MACF1: variants seen among roughly 807,000 people sequenced by gnomAD.
The protein encoded by MACF1 is microtubule actin crosslinking factor 1, also known as microtubule-actin cross-linking factor 1.
Under a neutral mutation model 854.8 loss-of-function variants are expected in MACF1, and 193 were observed. The observed-to-expected ratio is 0.23, with a 90% CI of 0.20 to 0.25. The LOEUF (loss-of-function observed/expected upper bound fraction) is 0.25, where lower values mean the gene tolerates loss of function less well. Among genes scored for constraint, MACF1 ranks in the 10% least tolerant of loss-of-function variants. MACF1 has a pLI of 1.00. For synonymous variants in MACF1, 3,185 were observed against 3,226.7 expected (o/e 0.99, Z 0.44); for missense variants, 7,722 against 8,929.1 (o/e 0.86, Z 5.45).
chr1:39,460,580 CT>C lies in MACF1; in HGVS notation c.21361-48del. The C allele has an allele frequency of 6.4e-7, 1 of 1,574,088 alleles. No individual in the cohort carries two copies. Among genetic ancestry groups the C allele is most frequent in the Middle Eastern group, 1.7e-4 (1 of 5,972 alleles). On this transcript the variant is annotated intron_variant, in intron 91 of 100. Coordinates refer to ENST00000564288, the MANE Select transcript of MACF1 (RefSeq NM_001394062.1). The surrounding 1 kb of genome is among the most constrained non-coding windows in gnomAD (Gnocchi z 4.1). ...GAAAGTTTGGGTATGCTCTGGGCAG[CT>C]TTTGAGGGCCCAAAAAATAAATCTT...
chr1:39,134,369 A>C (rs1195745149), intron 2 of MACF1, among the ~76,000 whole-genome samples: 1 of 152,136 alleles, frequency 6.6e-6, no homozygotes, highest in Middle Eastern at 3.2e-3. Context: ...TAACAAGAAT[A>C]AGTGGAATCA....
intron 49 of MACF1, among the ~76,000 whole-genome samples, chr1:39,365,626 A>G (rs1257015180): frequency 6.6e-6 from 1 of 152,158 alleles, no homozygotes; most frequent in Non-Finnish European, 1.5e-5. Context: ...AACCATCTTC[A>G]TCATATACAC....
Position 39,333,708 on chromosome 1 carries a change from T to G in MACF1, c.7120T>G (p.Leu2374Val). The change falls in exon 37 of 101, where the codon TTA becomes GTA. Residue 2374 changes from leucine to valine, a missense_variant. Leu to Val is a conservative substitution (Grantham distance 32). This residue lies in a region of MACF1 where 1,531 missense variants were observed against 1,601.6 expected (regional missense o/e 0.96). Coordinates refer to ENST00000564288, the MANE Select transcript of MACF1 (RefSeq NM_001394062.1). The part of the protein sequence containing the change: ...LMADKAISGV[L>V]DPRTQTLCSV... ...GGCAGACAAAGCTATAAGTGGTGTC[T>G]TAGACCCCCGTACCCAGACACTGTG... 6.2e-7 allele frequency: 1 copy of G among 1,614,186 alleles called. No individual in the cohort carries two copies. Among genetic ancestry groups the G allele is most frequent in the Non-Finnish European group, 8.5e-7 (1 of 1,180,028 alleles).
chr1:39,452,455 A>T, intron 86 of MACF1, 105 bp downstream of exon 86: 1 of 1,247,998 alleles, frequency 8.0e-7, no homozygotes, highest in Non-Finnish European at 1.1e-6. Context: ...TAAGTATAAC[A>T]GAGTTGAAAA....
chr1:39,357,900 G>A lies in MACF1; in HGVS notation c.11943+7G>A, dbSNP rs1220134786. The A allele has an allele frequency of 6.3e-7, 1 of 1,599,024 alleles. No homozygotes were observed. The highest frequency in any genetic ancestry group is 1.1e-5 in the South Asian group (1 of 88,446). On this transcript the variant is annotated splice_region_variant and intron_variant, in intron 45 of 100. Coordinates refer to ENST00000564288, the MANE Select transcript of MACF1 (RefSeq NM_001394062.1). ...CACTGCTCTCCACTCAAAGGTAAGG[G>A]GGCAGTTCCTGGCATCCTTGGTGAA...
rs982188460 is a variant in MACF1 at position 39,322,496 on chromosome 1, C to T, written c.4030-112C>T. 17 of 846,042 alleles carry T rather than the reference C, an allele frequency of 2.0e-5. No individual in the cohort carries two copies. In the South Asian group the frequency reaches 2.3e-4, roughly 12 times the overall value. 52.4% of individuals were successfully genotyped at this position (846,042 alleles called of 1,614,324 possible). On this transcript the variant is annotated intron_variant, in intron 31 of 100. Transcript: ENST00000564288. ...TTTACAGGAAAAGTTTGCTAACCTC[C>T]AGCATGAGTGGTCACCAAAACGCTT... is the stretch of plus-strand genomic sequence containing the variant.
rs1643865658 is a variant in MACF1, at chr1:39,430,819, T to C, written c.17248T>C (p.Ser5750Pro). The C allele has an allele frequency of 6.2e-7, 1 of 1,612,582 alleles. No homozygotes were observed. The highest frequency in any genetic ancestry group is 8.5e-7 in the Non-Finnish European group (1 of 1,180,002). The stretch of plus-strand genomic sequence containing the variant: ...CAGAGAAGGGCTGGATAAACTTGTG[T>C]CCGATGCTAACGAGCAGTACAAACT... ...RAREGLDKLVSDANEQYKLVS... is the reference protein window; with the variant it reads ...RAREGLDKLVPDANEQYKLVS... Residue 5750 changes from serine (S) to proline (P), a missense_variant, in exon 66 of 101, where the codon TCC becomes CCC. Ser to Pro is a moderately conservative substitution (Grantham distance 74). Coordinates refer to ENST00000564288, the MANE Select transcript of MACF1 (RefSeq NM_001394062.1).
intron 58 of MACF1, among the ~76,000 whole-genome samples, chr1:39,393,196 A>AAAAAAATAT (rs57576149): frequency 1.5e-5 from 1 of 66,574 alleles, no homozygotes; most frequent in African/African-American, 8.4e-5. Context: ...AAAAAAAAAA[A>AAAAAAATAT]ATATATATAT....
At chr1:39,126,945 C>G (rs1394615385) in intron 2 of MACF1, among the ~76,000 whole-genome samples, 1 of 151,926 alleles carries the variant, frequency 6.6e-6, no homozygotes, top group South Asian at 2.1e-4. Context: ...TTTCCTTGTC[C>G]TGTTGGCCGG....
At position 39,114,182 on chromosome 1, in the gene MACF1, G is replaced by GTT. The variant is rs10715454; in HGVS notation, c.220+29759_220+29760dup. Among the ~76,000 whole-genome samples the GTT allele has an allele frequency of 4.9e-3, 701 of 142,434 alleles. 3 individuals carry two copies. Among genetic ancestry groups the GTT allele is most frequent in the Non-Finnish European group, 6.0e-3 (394 of 65,752 alleles). 93.4% of individuals were successfully genotyped at this position (142,434 alleles called of 152,430 possible). A position where few individuals can be genotyped will look rare whatever the true frequency, so the allele number is the denominator to read the frequency against. On this transcript the variant is annotated intron_variant, in intron 2 of 93. Transcript: ENST00000361689. ...TGTCTAAAGCTCTGTATACTTTACT[G>GTT]TTTTTTTTTTTTTTTTACAATTTTC...
At chr1:39,214,536 TGA>T (rs946102869) in intron 1 of MACF1, among the ~76,000 whole-genome samples, 1 of 152,144 alleles carries the variant, frequency 6.6e-6, no homozygotes, top group African/African-American at 2.4e-5. Flanking sequence ...TTCCTGGCTG[TGA>T]GGGGAAAGAA....
chr1:39,454,572 C>T (rs927266303), intron 88 of MACF1, among the ~76,000 whole-genome samples: 6 of 152,026 alleles, frequency 3.9e-5, no homozygotes, highest in African/African-American at 9.7e-5. Context: ...AGGCTTGAGG[C>T]GGTCAGATTA....
chr1:39,372,519 A>T lies in MACF1; in HGVS notation c.13136A>T (p.Glu4379Val). The change falls in exon 52 of 101, where the codon GAA becomes GTA. Residue 4379 changes from glutamate to valine, a missense_variant. By Grantham distance (121) the Glu-to-Val change is moderately radical. Coordinates refer to ENST00000564288, the MANE Select transcript of MACF1 (RefSeq NM_001394062.1). ...DDWASKGTLV[E>V]EINCKGTSLE... ...TGGGCAAGTAAGGGAACTCTGGTGG[A>T]AGAAATCAATTGCAAAGGTACTTCT... 1 of 1,613,888 alleles carries T rather than the reference A, an allele frequency of 6.2e-7. No homozygotes were observed. The highest frequency in any genetic ancestry group is 8.5e-7 in the Non-Finnish European group (1 of 1,179,836).
chr1:39,265,222 A>G (rs1645216983), intron 6 of MACF1, among the ~76,000 whole-genome samples: 1 of 152,098 alleles, frequency 6.6e-6, no homozygotes, highest in Non-Finnish European at 1.5e-5. Flanking sequence ...TGCTTGGCAT[A>G]TAGATGAGGC....
At chr1:39,422,098 G>A (rs767683989) in intron 58 of MACF1, among the ~76,000 whole-genome samples, 5 of 151,888 alleles carry the variant, frequency 3.3e-5, no homozygotes, top group Non-Finnish European at 7.4e-5. Flanking sequence ...AAAAAATTAA[G>A]CAACAGATTT....
At chr1:39,113,152 C>T (rs1362895428) in intron 2 of MACF1, among the ~76,000 whole-genome samples, 1 of 152,152 alleles carries the variant, frequency 6.6e-6, no homozygotes, top group African/African-American at 2.4e-5. Flanking sequence ...AGACCCTCCT[C>T]TCCCTACCCC....
Position 39,460,842 on chromosome 1 carries a change from C to T in MACF1, c.21523+48C>T, listed in dbSNP as rs2124052676. The T allele has an allele frequency of 6.3e-6, 10 of 1,596,692 alleles. No homozygotes were observed. The highest frequency in any genetic ancestry group is 8.6e-6 in the Non-Finnish European group (10 of 1,165,180). ...ACATGGGTCACACCTGGATTCCTTG[C>T]ACTTTGTAGAAGCTGTGATATTCTA... is the stretch of plus-strand genomic sequence containing the variant. On this transcript the variant is annotated intron_variant, in intron 92 of 100. Transcript: ENST00000564288. The surrounding 1 kb of genome is among the most constrained non-coding windows in gnomAD (Gnocchi z 4.1).
intron 2 of MACF1, among the ~76,000 whole-genome samples, chr1:39,193,481 T>C (rs1471591291): frequency 6.6e-6 from 1 of 152,220 alleles, no homozygotes; most frequent in Admixed American, 6.5e-5. Flanking sequence ...TGAGGATGAC[T>C]TGATGCCCTG....
At chr1:39,476,298 C>T (rs1235182882) in intron 97 of MACF1, among the ~76,000 whole-genome samples, 3 of 152,102 alleles carry the variant, frequency 2.0e-5, no homozygotes, top group Non-Finnish European at 2.9e-5. Context: ...AGGCTGGGCG[C>T]GGTGGCTCAT....
Sources: gnomAD v4.1 joint callset for allele counts (sites outside exome capture counted in the v4.1 genomes callset) on GRCh38, gnomAD v4.1.1 for gene constraint, gnomAD v4.1.1 regional missense constraint, Gnocchi (gnomAD v3.1) non-coding constraint, MANE v1.5 for transcripts, NCBI Gene and HGNC (gene_info 2026-07-23, HGNC 2026-07-21) for gene names.